Variants in DNAH12 observed in about 807,000 individuals in gnomAD.
The protein encoded by DNAH12 is axonemal beta dynein heavy chain 12.
Under a neutral mutation model 371.5 loss-of-function variants are expected in DNAH12, and 285 were observed. That is an observed-to-expected ratio of 0.77 (90% CI 0.70 to 0.85). The LOEUF is 0.85. Ranked by LOEUF, DNAH12 falls within the 40% of genes least tolerant of loss-of-function variation. The pLI is 0.00. For missense variants in DNAH12, 3,611 were observed against 3,689.4 expected, an observed-to-expected ratio of 0.98 and a Z score of 0.55; for synonymous variants, 1,200 against 1,213.0, an observed-to-expected ratio of 0.99 and a Z score of 0.22.
chr3:57,298,261 G>A (rs2061275059), intron 70 of DNAH12, among the ~76,000 whole-genome samples: 2 of 152,198 alleles, frequency 1.3e-5, no homozygotes, highest in African/African-American at 4.8e-5. Context: ...ATTCAGAAAT[G>A]GACATGTGAC....
chr3:57,484,333 T>C (rs2066856078), intron 12 of DNAH12, among the ~76,000 whole-genome samples: 2 of 152,180 alleles, frequency 1.3e-5, no homozygotes, highest in Admixed American at 1.3e-4. Context: ...ATGTAGGATA[T>C]GAACCTAGAT....
At chr3:57,296,135 A>G (rs1229351878) in intron 72 of DNAH12, among the ~76,000 whole-genome samples, 1 of 152,224 alleles carries the variant, frequency 6.6e-6, no homozygotes, top group East Asian at 1.9e-4. Flanking sequence ...TTTTCTACTA[A>G]TAAGACTACT....
intron 2 of DNAH12, 67 bp downstream of exon 2, chr3:57,542,634 G>A: frequency 6.8e-7 from 1 of 1,473,876 alleles, no homozygotes; most frequent in South Asian, 1.4e-5. Flanking sequence ...AACTTTTTAG[G>A]AGAATATGAA....
intron 69 of DNAH12, among the ~76,000 whole-genome samples, chr3:57,306,139 G>A (rs1180222985): frequency 1.3e-4 from 20 of 152,078 alleles, no homozygotes; most frequent in African/African-American, 3.6e-4. Flanking sequence ...GATCTTCTCC[G>A]CTTAGCGGCT....
intron 12 of DNAH12, among the ~76,000 whole-genome samples, chr3:57,488,827 C>G (rs2067022241): frequency 6.6e-6 from 1 of 152,108 alleles, no homozygotes; most frequent in African/African-American, 2.4e-5. Context: ...GAACAAACCA[C>G]AGGACATATT....
chr3:57,521,201 A>G (rs1019902262), intron 4 of DNAH12, among the ~76,000 whole-genome samples: 5 of 150,538 alleles, frequency 3.3e-5, no homozygotes, highest in Non-Finnish European at 7.4e-5. Context: ...CTTTTTCTAA[A>G]TTTTTTTATA....
At chr3:57,332,240 C>G (rs1394122688) in intron 62 of DNAH12, among the ~76,000 whole-genome samples, 1 of 152,134 alleles carries the variant, frequency 6.6e-6, no homozygotes, top group African/African-American at 2.4e-5. Context: ...CTATGATCAC[C>G]TTTCTTAAAT....
chr3:57,351,780 C>G (rs1332856547), intron 60 of DNAH12, among the ~76,000 whole-genome samples: 2 of 152,026 alleles, frequency 1.3e-5, no homozygotes, highest in Non-Finnish European at 2.9e-5. Context: ...GAGGTGGTAA[C>G]TGAAAGGAGT....
At chr3:57,353,454 A>C (rs930135640) in intron 59 of DNAH12, among the ~76,000 whole-genome samples, 6 of 152,156 alleles carry the variant, frequency 3.9e-5, no homozygotes, top group African/African-American at 1.4e-4. Context: ...CACCATGCCC[A>C]GCTAGTTTTT....
chr3:57,542,980 T>C (rs2069360680), intron 1 of DNAH12, 77 bp from the exon 2 acceptor site: 2 of 1,091,060 alleles, frequency 1.8e-6, no homozygotes, highest in South Asian at 5.2e-5. Context: ...AACATATCAA[T>C]ACCAAAAGTA....
At chr3:57,352,025 A>G (rs1418457697) in intron 60 of DNAH12, 60 bp downstream of exon 60, 12 of 1,440,758 alleles carry the variant, frequency 8.3e-6, no homozygotes, top group Middle Eastern at 1.8e-4. Context: ...ATATTCACAG[A>G]TTTGATTTTC....
chr3:57,506,268 C>T (rs2067755156), intron 8 of DNAH12, among the ~76,000 whole-genome samples: 1 of 152,122 alleles, frequency 6.6e-6, no homozygotes, highest in Non-Finnish European at 1.5e-5. Context: ...AGCTCCTGTT[C>T]TCTCAAGAGC....
At chr3:57,404,876 G>C in intron 42 of DNAH12, 93 bp downstream of exon 42, 1 of 1,156,216 alleles carries the variant, frequency 8.6e-7, no homozygotes, top group Non-Finnish European at 1.2e-6. Flanking sequence ...GTCATTCACT[G>C]TATTTTTCTT....
At chr3:57,490,835 TC>T (rs2153385834) in intron 11 of DNAH12, among the ~76,000 whole-genome samples, 1 of 152,208 alleles carries the variant, frequency 6.6e-6, no homozygotes, top group South Asian at 2.1e-4. Flanking sequence ...ACGCCTGTAA[TC>T]CCAGCACTGT....
At chr3:57,335,068 A>C (rs998423214) in intron 60 of DNAH12, 128 bp from the exon 61 acceptor site, 3 of 957,612 alleles carry the variant, frequency 3.1e-6, no homozygotes, top group South Asian at 2.0e-5. Context: ...AACAACTAGA[A>C]AACTGGACAA....
chr3:57,448,187 T>C (rs1449665412), intron 25 of DNAH12, among the ~76,000 whole-genome samples: 1 of 152,196 alleles, frequency 6.6e-6, no homozygotes, highest in Non-Finnish European at 1.5e-5. Context: ...AGGTGAGTCT[T>C]ACAGCTCTTA....
intron 13 of DNAH12, among the ~76,000 whole-genome samples, chr3:57,475,822 C>T (rs565184733): frequency 3.9e-4 from 59 of 152,280 alleles, no homozygotes; most frequent in African/African-American, 1.4e-3. Context: ...ACACTTTGTG[C>T]ACTGCTAATA....
At chr3:57,399,730 GTCCTCTTCA>G (rs2063817458) in intron 43 of DNAH12, among the ~76,000 whole-genome samples, 1 of 151,826 alleles carries the variant, frequency 6.6e-6, no homozygotes, top group Non-Finnish European at 1.5e-5. Context: ...ACTCCTCTTC[GTCCTCTTCA>G]TCCTCAGCCT....
rs1362604806 is a variant in DNAH12 at position 57,382,626 on chromosome 3, C to T, written c.7861-233G>A. Among the ~76,000 whole-genome samples the T allele has an allele frequency of 4.6e-5, 7 of 151,690 alleles. No individual in the cohort carries two copies. The East Asian group carries it at 1.4e-3, about 29-fold the overall frequency. On this transcript the variant is annotated intron_variant, in intron 49 of 73. Transcript: ENST00000495027. The stretch of plus-strand genomic sequence containing the variant: ...GTTGGGAGGGGTCAGTCATAGATGC[C>T]TATGAGAATATAATGGCAGCTATAA...
Sources: gnomAD v4.1 joint callset for allele counts (sites outside exome capture counted in the v4.1 genomes callset) on GRCh38, gnomAD v4.1.1 for gene constraint, MANE v1.5 for transcripts, NCBI Gene and HGNC (gene_info 2026-07-23, HGNC 2026-07-21) for gene names.